SLC25A51: variants seen among roughly 807,000 people sequenced by gnomAD.
The protein encoded by SLC25A51 is solute carrier family 25 member 51.
A neutral mutation model predicts 19.1 loss-of-function variants in SLC25A51; 11 were observed. The observed-to-expected ratio is 0.58, with a 90% CI of 0.36 to 0.96. The LOEUF is 0.96. Among genes scored for constraint, SLC25A51 ranks in the 40% least tolerant of loss-of-function variants. SLC25A51 has a pLI of 0.01. For synonymous variants in SLC25A51, 105 were observed against 133.6 expected, an observed-to-expected ratio of 0.79 and a Z score of 1.47; for missense variants, 201 against 365.4, an observed-to-expected ratio of 0.55 and a Z score of 3.67.
chr9:37,902,766 G>A (rs1831875372), intron 1 of SLC25A51, among the ~76,000 whole-genome samples: 1 of 152,226 alleles, frequency 6.6e-6, no homozygotes, highest in African/African-American at 2.4e-5. Flanking sequence ...AACTACAAGT[G>A]TCAAGCTTCT....
intron 2 of SLC25A51, among the ~76,000 whole-genome samples, chr9:37,898,423 C>T (rs190460879): frequency 1.3e-3 from 204 of 152,224 alleles, no homozygotes; most frequent in African/African-American, 4.7e-3. Flanking sequence ...GGCGTGGTGG[C>T]GCATGCCTGT....
Position 37,888,463 on chromosome 9 carries a change from C to T in SLC25A51, c.88G>A (p.Glu30Lys), listed in dbSNP as rs1162120919. The T allele has an allele frequency of 1.2e-6, 2 of 1,614,120 alleles. No homozygotes were observed. Among genetic ancestry groups the T allele is most frequent in the Admixed American group, 1.7e-5 (1 of 60,006 alleles). The change falls in exon 3 of 3, where the codon GAG (glutamate) becomes AAG (lysine). Residue 30 changes from glutamate (E) to lysine (K), a missense_variant. Transcript: ENST00000242275. ...CAGCCACACAAGTAATGCTTCATCT[C>T]ACCAACATTTGTAATATGAGGTGAT... The part of the protein sequence containing the change: ...DISPHITNVG[E>K]MKHYLCGCCA...
At chr9:37,897,037 C>T (rs1180633761) in intron 2 of SLC25A51, among the ~76,000 whole-genome samples, 1 of 152,136 alleles carries the variant, frequency 6.6e-6, no homozygotes, top group Admixed American at 6.6e-5. Flanking sequence ...CATGACAAGT[C>T]TATCTTAATT....
intron 1 of SLC25A51, among the ~76,000 whole-genome samples, chr9:37,903,012 A>T (rs1319920437): frequency 6.6e-6 from 1 of 152,176 alleles, no homozygotes; most frequent in Non-Finnish European, 1.5e-5. Context: ...TATAAAGACA[A>T]AGCAATATCT....
chr9:37,889,413 T>C (rs1340913018), intron 2 of SLC25A51, among the ~76,000 whole-genome samples: 2 of 152,004 alleles, frequency 1.3e-5, no homozygotes, highest in East Asian at 1.9e-4. Flanking sequence ...TAACCAACCA[T>C]TGTGGGAACA....
downstream of SLC25A51, chr9:37,885,603 C>CT (rs1489243726): frequency 1.3e-6 from 1 of 748,718 alleles, no homozygotes; most frequent in Non-Finnish European, 2.4e-6. Context: ...GAGTTTCACT[C>CT]TTTTTGGCAA....
chr9:37,894,216 C>T (rs1170169571), intron 2 of SLC25A51, among the ~76,000 whole-genome samples: 2 of 152,036 alleles, frequency 1.3e-5, no homozygotes, highest in Non-Finnish European at 2.9e-5. Context: ...ATTCAGCTTG[C>T]CAAGTGTGTG....
chr9:37,892,063 A>C (rs986665353), intron 2 of SLC25A51, among the ~76,000 whole-genome samples: 3 of 152,202 alleles, frequency 2.0e-5, no homozygotes, highest in Non-Finnish European at 4.4e-5. Flanking sequence ...TTTAAGGTTC[A>C]GTGTAGGATT....
At chr9:37,887,023 T>C (rs865854805), downstream of SLC25A51, among the ~76,000 whole-genome samples, 34 of 134,616 alleles carry the variant, frequency 2.5e-4, no homozygotes, top group Non-Finnish European at 2.5e-4. Flanking sequence ...AAAAAAAAAA[T>C]TAGCTGGGCG....
downstream of SLC25A51, chr9:37,886,045 T>C: frequency 6.2e-7 from 1 of 1,612,004 alleles, no homozygotes; most frequent in South Asian, 1.1e-5. Context: ...ACCTCTCCCT[T>C]AAGTACAACT....
chr9:37,897,586 G>A (rs1356981868), intron 2 of SLC25A51, among the ~76,000 whole-genome samples: 1 of 151,320 alleles, frequency 6.6e-6, no homozygotes, highest in African/African-American at 2.4e-5. Context: ...TCTTCTTATT[G>A]AACTGATAAA....
chr9:37,894,790 G>C (rs975851338), intron 2 of SLC25A51, among the ~76,000 whole-genome samples: 1 of 151,940 alleles, frequency 6.6e-6, no homozygotes, highest in African/African-American at 2.4e-5. Flanking sequence ...CCCTCCTATG[G>C]GCCCCAGTGT....
At chr9:37,898,342 G>T (rs1831766504) in intron 2 of SLC25A51, among the ~76,000 whole-genome samples, 1 of 152,158 alleles carries the variant, frequency 6.6e-6, no homozygotes, top group Non-Finnish European at 1.5e-5. Flanking sequence ...GATCACCTGA[G>T]GTCAGGAGTT....
At chr9:37,890,094 TA>T (rs1831549511) in intron 2 of SLC25A51, among the ~76,000 whole-genome samples, 2 of 152,120 alleles carry the variant, frequency 1.3e-5, no homozygotes, top group Non-Finnish European at 2.9e-5. Flanking sequence ...TCCTTAACAG[TA>T]AGATACTGGC....
downstream of SLC25A51, chr9:37,885,953 C>T (rs1230220411): frequency 3.4e-5 from 55 of 1,612,968 alleles, no homozygotes; most frequent in Non-Finnish European, 4.0e-5. Flanking sequence ...GGAACTAGAA[C>T]GGGACAACAG....
At chr9:37,881,875 A>G (rs575398024) in intron 2 of SLC25A51, among the ~76,000 whole-genome samples, 2 of 152,330 alleles carry the variant, frequency 1.3e-5, no homozygotes, top group East Asian at 3.9e-4. Flanking sequence ...CTCAAGCATA[A>G]GAGAAGACCA....
In SLC25A51 at chr9:37,902,090, A is replaced by T. The variant is rs1831861032; in HGVS notation, c.-165+1978T>A. 2.0e-5 allele frequency among the ~76,000 whole-genome samples: 3 copies of T among 152,356 alleles called. No homozygotes were observed. In the South Asian group the frequency reaches 6.2e-4, roughly 32 times the overall value. On this transcript the variant is annotated intron_variant, in intron 1 of 2. Coordinates refer to ENST00000242275, the MANE Select transcript of SLC25A51 (RefSeq NM_033412.4). ...CATTTTATTTTTACATACGGAGCAC[A>T]CAAAATATTTTAAATTCTAAAGTCA...
chr9:37,898,678 A>C (rs921152891), intron 2 of SLC25A51, among the ~76,000 whole-genome samples: 3 of 152,200 alleles, frequency 2.0e-5, no homozygotes, highest in African/African-American at 4.8e-5. Context: ...AGATTGTACC[A>C]CTGCACTGCA....
downstream of SLC25A51, chr9:37,885,546 C>G (rs554383498): frequency 1.6e-6 from 1 of 606,930 alleles, no homozygotes; most frequent in East Asian, 2.9e-5. Context: ...CCCGCCACCA[C>G]GCCTGGCTAA....
Sources: allele counts gnomAD v4.1 joint callset (sites outside exome capture counted in the v4.1 genomes callset), GRCh38; gene constraint gnomAD v4.1.1; transcripts MANE v1.5; gene names NCBI Gene and HGNC (gene_info 2026-07-23, HGNC 2026-07-21).